UNC5C: variants seen among roughly 807,000 people sequenced by gnomAD.
UNC5C encodes the protein netrin receptor UNC5C.
A neutral mutation model predicts 99.8 loss-of-function variants in UNC5C; 47 were observed. The observed-to-expected ratio is 0.47, with a 90% CI of 0.37 to 0.60. The LOEUF (loss-of-function observed/expected upper bound fraction) is 0.60. Ranked by LOEUF, UNC5C falls within the 20% of genes least tolerant of loss-of-function variation. The probability of loss-of-function intolerance (pLI) is 0.00; values close to 1 mark genes in which losing one functional copy is unlikely to be tolerated. For missense variants in UNC5C, 1,062 were observed against 1,165.9 expected (o/e 0.91, Z 1.30); for synonymous variants, 487 against 452.2 (o/e 1.08, Z -0.98).
chr4:95,279,941 G>T (rs1560767115), intron 3 of UNC5C, among the ~76,000 whole-genome samples: 1 of 152,126 alleles, frequency 6.6e-6, no homozygotes, highest in Non-Finnish European at 1.5e-5. Flanking sequence ...CTCATAAGAA[G>T]TGTGCAACCT....
At chr4:95,260,058 A>T (rs1453888288) in intron 4 of UNC5C, among the ~76,000 whole-genome samples, 3 of 152,164 alleles carry the variant, frequency 2.0e-5, no homozygotes, top group African/African-American at 7.2e-5. Context: ...TACCACCCTG[A>T]AAGTACACCT....
At chr4:95,471,259 C>T (rs17024005) in intron 1 of UNC5C, among the ~76,000 whole-genome samples, 6,528 of 152,004 alleles carry the variant, frequency 0.043, 466 homozygotes, top group African/African-American at 0.14. Context: ...ATATATTACG[C>T]TAAAAGCATA....
rs570990614 is a variant in UNC5C, at chr4:95,201,481, C to A, written c.2136+1250G>T. Reference sequence around the variant, plus strand: ...CAATCATGTCTTTTTTCTGTTTAAACCTCTCCAATCTCCATTAACTCAAGA... The same window carrying A: ...CAATCATGTCTTTTTTCTGTTTAAAACTCTCCAATCTCCATTAACTCAAGA... On this transcript the variant is annotated intron_variant, in intron 12 of 15. Coordinates refer to ENST00000453304, the MANE Select transcript of UNC5C (RefSeq NM_003728.4). 2.8e-4 allele frequency among the ~76,000 whole-genome samples: 42 copies of A among 152,126 alleles called. 1 individual carries two copies. The highest frequency in any genetic ancestry group is 2.0e-4 in the Admixed American group (3 of 15,278).
In UNC5C at chr4:95,423,587, G is replaced by A. The variant is rs1248323992; in HGVS notation, c.125-87956C>T. Among the ~76,000 whole-genome samples, 6 of 152,286 alleles carry A rather than the reference G, an allele frequency of 3.9e-5. No individual in the cohort carries two copies. The East Asian group carries it at 9.7e-4, about 25-fold the overall frequency. On this transcript the variant is annotated intron_variant, in intron 1 of 15. Transcript: ENST00000453304. ...ACCATTCCAAATAAATACATTTTGA[G>A]ATTTTCGTCTTTCAGTATTTAGAAT...
At chr4:95,331,754 G>T (rs1319157040) in intron 2 of UNC5C, among the ~76,000 whole-genome samples, 1 of 152,078 alleles carries the variant, frequency 6.6e-6, no homozygotes, top group African/African-American at 2.4e-5. Flanking sequence ...AAAAAATAAA[G>T]ATTTCACAGA....
chr4:95,257,657 A>G (rs1160107831), intron 4 of UNC5C, among the ~76,000 whole-genome samples: 7 of 152,340 alleles, frequency 4.6e-5, no homozygotes, highest in Non-Finnish European at 8.8e-5. Flanking sequence ...TCTCACAAGG[A>G]ATCCAGCTAG....
intron 1 of UNC5C, among the ~76,000 whole-genome samples, chr4:95,480,407 T>C (rs1254110426): frequency 1.3e-5 from 2 of 151,874 alleles, no homozygotes; most frequent in Non-Finnish European, 2.9e-5. Context: ...AAAATACTAG[T>C]TGTCATGTCC....
At chr4:95,374,353 T>C (rs980321966) in intron 1 of UNC5C, among the ~76,000 whole-genome samples, 2 of 152,182 alleles carry the variant, frequency 1.3e-5, no homozygotes, top group Non-Finnish European at 2.9e-5. Context: ...AAGTTCCAAA[T>C]TATCATTCTT....
chr4:95,410,193 G>A (rs922657086), intron 1 of UNC5C, among the ~76,000 whole-genome samples: 1 of 152,260 alleles, frequency 6.6e-6, no homozygotes, highest in East Asian at 1.9e-4. Flanking sequence ...GATTTTCAGA[G>A]AAGTTAGGCA....
intron 12 of UNC5C, among the ~76,000 whole-genome samples, chr4:95,191,739 A>C (rs1737107701): frequency 6.7e-5 from 7 of 104,028 alleles, no homozygotes; most frequent in East Asian, 2.8e-4. Context: ...TCCCTTTCTC[A>C]CATCCTCCTC....
intron 12 of UNC5C, among the ~76,000 whole-genome samples, chr4:95,191,339 A>G (rs1737081499): frequency 6.6e-6 from 1 of 152,294 alleles, no homozygotes; most frequent in Middle Eastern, 3.4e-3. Flanking sequence ...CAGGCAACAG[A>G]GTGGCATATA....
intron 1 of UNC5C, among the ~76,000 whole-genome samples, chr4:95,398,765 G>A (rs1303918779): frequency 1.3e-5 from 2 of 152,090 alleles, no homozygotes; most frequent in Admixed American, 1.3e-4. Flanking sequence ...TTCTCAGTGG[G>A]ATGGTTTTTG....
intron 1 of UNC5C, among the ~76,000 whole-genome samples, chr4:95,482,456 C>T (rs1046080113): frequency 1.1e-4 from 16 of 149,572 alleles, no homozygotes; most frequent in African/African-American, 3.9e-4. Flanking sequence ...TGTGGCGATT[C>T]CTCAGGGATC....
chr4:95,454,441 T>C (rs763480995), intron 1 of UNC5C, among the ~76,000 whole-genome samples: 3 of 152,136 alleles, frequency 2.0e-5, no homozygotes, highest in East Asian at 1.9e-4. Flanking sequence ...GTTCAGAAGA[T>C]TGTAATAGTA....
intron 3 of UNC5C, among the ~76,000 whole-genome samples, chr4:95,294,225 T>C (rs973396279): frequency 2.6e-5 from 4 of 152,214 alleles, no homozygotes; most frequent in Non-Finnish European, 4.4e-5. Context: ...ATATTTCTAT[T>C]GGACGCTGCT....
chr4:95,229,772 TA>T (rs1738836266), intron 7 of UNC5C, among the ~76,000 whole-genome samples: 1 of 147,766 alleles, frequency 6.8e-6, no homozygotes, highest in African/African-American at 2.5e-5. Flanking sequence ...TATTTCTCCA[TA>T]TCCTCCCCAG....
At chr4:95,244,930 T>C in intron 6 of UNC5C, 47 bp downstream of exon 6, 2 of 1,607,012 alleles carry the variant, frequency 1.2e-6, no homozygotes, top group Non-Finnish European at 1.7e-6. Context: ...AAAGCATGTT[T>C]CTTGAATAAT....
chr4:95,379,957 C>T (rs1254092737), intron 1 of UNC5C, among the ~76,000 whole-genome samples: 4 of 152,124 alleles, frequency 2.6e-5, no homozygotes, highest in African/African-American at 7.2e-5. Context: ...AGACGTGTGG[C>T]TGCATGACGT....
At chr4:95,428,928 AC>A (rs1043160534) in intron 1 of UNC5C, among the ~76,000 whole-genome samples, 3 of 151,898 alleles carry the variant, frequency 2.0e-5, no homozygotes, top group African/African-American at 4.8e-5. Context: ...TTCCAGCACC[AC>A]CCAGATCCTT....
Sources: allele counts gnomAD v4.1 joint callset (sites outside exome capture counted in the v4.1 genomes callset), GRCh38; gene constraint gnomAD v4.1.1; transcripts MANE v1.5; gene names NCBI Gene and HGNC (gene_info 2026-07-23, HGNC 2026-07-21).